Variants in IL23R observed in about 807,000 individuals in gnomAD.
IL23R encodes the protein interleukin-23 receptor.
A neutral mutation model predicts 56.9 loss-of-function variants in IL23R; 34 were observed. That is an observed-to-expected ratio of 0.60 (90% CI 0.45 to 0.80). The LOEUF (loss-of-function observed/expected upper bound fraction) is 0.80, where lower values mean the gene tolerates loss of function less well. Among genes scored for constraint, IL23R ranks in the 30% least tolerant of loss-of-function variants. The pLI is 0.00. For synonymous variants in IL23R, 230 were observed against 249.2 expected (o/e 0.92, Z 0.73); for missense variants, 635 against 730.0 (o/e 0.87, Z 1.50).
chr1:67,193,854 C>T (rs1647923991), intron 4 of IL23R, among the ~76,000 whole-genome samples: 1 of 152,172 alleles, frequency 6.6e-6, no homozygotes, highest in Non-Finnish European at 1.5e-5. Flanking sequence ...TCAGATCCCA[C>T]AGCTAAAGGC....
chr1:67,182,917 A>G lies in IL23R; in HGVS notation c.449A>G (p.Lys150Arg), dbSNP rs775258971. The G allele has an allele frequency of 6.2e-7, 1 of 1,614,138 alleles. No individual in the cohort carries two copies. Among genetic ancestry groups the G allele is most frequent in the Non-Finnish European group, 8.5e-7 (1 of 1,179,986 alleles). ...GNMTCTWNAG[K>R]LTYIDTKYVV... ...ATGACTTGCACCTGGAATGCTGGGA[A>G]GCTCACCTACATAGACACAAAATAC... Residue 150 changes from lysine (K) to arginine (R), a missense_variant, in exon 4 of 11, where the codon AAG becomes AGG. By Grantham distance (26) the Lys-to-Arg change is conservative. Coordinates refer to ENST00000347310, the MANE Select transcript of IL23R (RefSeq NM_144701.3).
chr1:67,207,226 T>C (rs1466102547), intron 6 of IL23R, 171 bp downstream of exon 6: 3 of 788,406 alleles, frequency 3.8e-6, no homozygotes, highest in Middle Eastern at 3.4e-4. Context: ...TTATTTTAGA[T>C]TCGGGGGCAC....
At chr1:67,197,763 G>A (rs1260880613) in intron 4 of IL23R, among the ~76,000 whole-genome samples, 2 of 152,062 alleles carry the variant, frequency 1.3e-5, no homozygotes, top group African/African-American at 4.8e-5. Flanking sequence ...GGGCAATGTG[G>A]CAAAACCCTG....
At chr1:67,164,776 A>G (rs777785307), upstream of IL23R, among the ~76,000 whole-genome samples, 42 of 152,150 alleles carry the variant, frequency 2.8e-4, no homozygotes, top group Non-Finnish European at 5.9e-4. Flanking sequence ...TTGCTTAATG[A>G]CTGGGATACC....
chr1:67,193,041 G>A (rs898983121), intron 4 of IL23R, among the ~76,000 whole-genome samples: 13 of 151,930 alleles, frequency 8.6e-5, no homozygotes, highest in Admixed American at 5.2e-4. Flanking sequence ...CTCTGATTTT[G>A]TCTTTAATCC....
intron 1 of IL23R, among the ~76,000 whole-genome samples, chr1:67,157,966 A>T (rs1646783227): frequency 6.6e-6 from 1 of 152,220 alleles, no homozygotes; most frequent in Non-Finnish European, 1.5e-5. Context: ...CTGTAATCCC[A>T]GCACTTTGGG....
chr1:67,179,467 C>A (rs1006016229), intron 3 of IL23R, among the ~76,000 whole-genome samples: 1 of 151,834 alleles, frequency 6.6e-6, no homozygotes, highest in African/African-American at 2.4e-5. Flanking sequence ...GGTGATATCC[C>A]CTGTATCATT....
upstream of IL23R, among the ~76,000 whole-genome samples, chr1:67,162,633 G>T (rs1475176700): frequency 6.6e-6 from 1 of 152,174 alleles, no homozygotes; most frequent in African/African-American, 2.4e-5. Context: ...ATTTTAGTGA[G>T]CTTCACATAT....
intron 9 of IL23R, among the ~76,000 whole-genome samples, chr1:67,244,295 T>C (rs1405127555): frequency 6.6e-6 from 1 of 152,240 alleles, no homozygotes; most frequent in Non-Finnish European, 1.5e-5. Flanking sequence ...TCTTTTGCTG[T>C]GCAGAAGCTC....
chr1:67,250,373 C>A (rs1652531588), intron 9 of IL23R, among the ~76,000 whole-genome samples: 1 of 152,152 alleles, frequency 6.6e-6, no homozygotes, highest in African/African-American at 2.4e-5. Flanking sequence ...TACCATACAA[C>A]TTTCTTTCTT....
At chr1:67,154,454 A>C (rs1022589414) in intron 1 of IL23R, among the ~76,000 whole-genome samples, 1 of 152,138 alleles carries the variant, frequency 6.6e-6, no homozygotes, top group African/African-American at 2.4e-5. Context: ...TATTGGGTGC[A>C]TATATATTTA....
At position 67,254,359 on chromosome 1, in the gene IL23R, A is replaced by G. The variant is rs148074483; in HGVS notation, c.1149-1478A>G. 1.8e-3 allele frequency among the ~76,000 whole-genome samples: 274 copies of G among 152,064 alleles called. 2 individuals carry two copies. Among genetic ancestry groups the G allele is most frequent in the African/African-American group, 6.2e-3 (259 of 41,494 alleles). On this transcript the variant is annotated intron_variant, in intron 9 of 10. Coordinates refer to ENST00000347310, the MANE Select transcript of IL23R (RefSeq NM_144701.3). ...GTTGGGATTACAGGTGTGAGCCAAC[A>G]TGCCCGGCCCAAAACATTTTAAATA...
At chr1:67,256,513 G>A (rs1282151529) in intron 10 of IL23R, among the ~76,000 whole-genome samples, 1 of 152,196 alleles carries the variant, frequency 6.6e-6, no homozygotes, top group Non-Finnish European at 1.5e-5. Context: ...GAAGGAACAA[G>A]CTATGTGTGT....
chr1:67,157,382 A>G (rs1417515275), intron 1 of IL23R, among the ~76,000 whole-genome samples: 1 of 152,076 alleles, frequency 6.6e-6, no homozygotes. Flanking sequence ...CAACCTTTCT[A>G]GTTACTTTTG....
At chr1:67,235,846 A>G (rs1261652689) in intron 7 of IL23R, among the ~76,000 whole-genome samples, 1 of 152,186 alleles carries the variant, frequency 6.6e-6, no homozygotes, top group Non-Finnish European at 1.5e-5. Flanking sequence ...CCCTGCCCCC[A>G]AAAGTAATTT....
intron 9 of IL23R, among the ~76,000 whole-genome samples, chr1:67,247,790 C>G (rs1652338070): frequency 6.6e-6 from 1 of 152,162 alleles, no homozygotes; most frequent in African/African-American, 2.4e-5. Context: ...CCTTCAGGAG[C>G]TCTTGTAAGG....
chr1:67,249,141 T>C (rs1433485457), intron 9 of IL23R, among the ~76,000 whole-genome samples: 1 of 152,278 alleles, frequency 6.6e-6, no homozygotes, highest in East Asian at 1.9e-4. Flanking sequence ...ATGCTGATTT[T>C]TCACGCTGAT....
intron 3 of IL23R, among the ~76,000 whole-genome samples, chr1:67,174,430 A>C (rs544153741): frequency 1.3e-5 from 2 of 151,986 alleles, no homozygotes; most frequent in East Asian, 3.9e-4. Context: ...TCTACAAGCA[A>C]TATTTTTGGT....
Position 67,177,170 on chromosome 1 carries a change from C to A in IL23R, c.368-5666C>A, listed in dbSNP as rs375134608. 5.9e-5 allele frequency among the ~76,000 whole-genome samples: 9 copies of A among 152,256 alleles called. No individual in the cohort carries two copies. In the East Asian group the frequency reaches 1.3e-3, roughly 23 times the overall value. On this transcript the variant is annotated intron_variant, in intron 3 of 10. Transcript: ENST00000347310. ...GCTCAGTCAAATGGTATTTCTAGTT[C>A]TAGATCCCTGAGGAATCGCCACACT... is the stretch of plus-strand genomic sequence containing the variant.
Sources: allele counts gnomAD v4.1 joint callset (sites outside exome capture counted in the v4.1 genomes callset), GRCh38; gene constraint gnomAD v4.1.1; transcripts MANE v1.5; gene names NCBI Gene and HGNC (gene_info 2026-07-23, HGNC 2026-07-21).